The following GPHN variants were observed in gnomAD, a reference collection of about 807,000 sequenced individuals.
GPHN encodes gephyrin.
In GPHN, 17 loss-of-function variants were observed where a neutral mutation model predicts 95.5. That is an observed-to-expected ratio of 0.18 (90% confidence interval 0.12 to 0.27). The LOEUF (loss-of-function observed/expected upper bound fraction) is 0.27. Ranked by LOEUF, GPHN falls within the 10% of genes least tolerant of loss-of-function variation. The pLI is 1.00. For missense variants in GPHN, 660 were observed against 978.1 expected, an observed-to-expected ratio of 0.67 and a Z score of 4.34; for synonymous variants, 320 against 322.5, an observed-to-expected ratio of 0.99 and a Z score of 0.08.
At chr14:66,910,936 T>A (rs2065643403) in intron 5 of GPHN, among the ~76,000 whole-genome samples, 1 of 152,008 alleles carries the variant, frequency 6.6e-6, no homozygotes, top group South Asian at 2.1e-4. Context: ...GAACTATAGC[T>A]ATGCATATCA....
chr14:67,255,003 G>T, the GPHN span, among the ~76,000 whole-genome samples: 1 of 152,166 alleles, frequency 6.6e-6, no homozygotes, highest in Non-Finnish European at 1.5e-5. Flanking sequence ...ACAAAAATTA[G>T]CTGGGTGTGG....
chr14:67,481,172 G>A, the GPHN span, among the ~76,000 whole-genome samples: 3 of 152,148 alleles, frequency 2.0e-5, no homozygotes, highest in Non-Finnish European at 1.5e-5. Context: ...TGTGCCTGTA[G>A]TCCCAGACGC....
At position 66,789,961 on chromosome 14, in the gene GPHN, G is replaced by A. The variant is rs182798788; in HGVS notation, c.201+13440G>A. On this transcript the variant is annotated intron_variant, in intron 3 of 22. Coordinates refer to ENST00000478722, the MANE Select transcript of GPHN (RefSeq NM_020806.5). ...CAAAAAATAAAAAACATAAGATAAC[G>A]TAATTCAAGACAAAACAGAACCTTA... is the stretch of plus-strand genomic sequence containing the variant. 1.1e-4 allele frequency among the ~76,000 whole-genome samples: 16 copies of A among 152,262 alleles called. No homozygotes were observed. The East Asian group carries it at 2.3e-3, about 22-fold the overall frequency.
chr14:66,557,255 A>G (rs2060044199), intron 1 of GPHN, among the ~76,000 whole-genome samples: 1 of 150,372 alleles, frequency 6.7e-6, no homozygotes, highest in African/African-American at 2.5e-5. Context: ...ATAGATAGAT[A>G]GATAGATAGA....
At chr14:66,892,751 A>G (rs1000853952) in intron 5 of GPHN, among the ~76,000 whole-genome samples, 1 of 152,210 alleles carries the variant, frequency 6.6e-6, no homozygotes, top group African/African-American at 2.4e-5. Context: ...TTATGAGTGG[A>G]TAGCGAGAAG....
rs185677570 is a variant in GPHN, at chr14:66,981,490, A to G, written c.963+16165A>G. The stretch of plus-strand genomic sequence containing the variant: ...CTTTAAAAAAAAAATCTCTTTCTCC[A>G]AATCATAGCTACCAGAAACGATCTA... On this transcript the variant is annotated intron_variant, in intron 9 of 22. Coordinates refer to ENST00000478722, the MANE Select transcript of GPHN (RefSeq NM_020806.5). Among the ~76,000 whole-genome samples, 33 of 152,286 alleles carry G rather than the reference A, an allele frequency of 2.2e-4. 1 individual carries two copies. The East Asian group carries it at 5.2e-3, about 24-fold the overall frequency.
At chr14:67,133,875 T>C (rs2079877564) in intron 17 of GPHN, among the ~76,000 whole-genome samples, 1 of 152,200 alleles carries the variant, frequency 6.6e-6, no homozygotes, top group Non-Finnish European at 1.5e-5. Flanking sequence ...AAGTTGAAGA[T>C]GAATGTCATG....
chr14:67,202,334 G>T, the GPHN span, among the ~76,000 whole-genome samples: 1 of 152,088 alleles, frequency 6.6e-6, no homozygotes, highest in African/African-American at 2.4e-5. Context: ...CCAGCTACTT[G>T]GGAGGCTGAG....
At chr14:66,916,322 A>G (rs2065896044) in intron 6 of GPHN, among the ~76,000 whole-genome samples, 1 of 152,166 alleles carries the variant, frequency 6.6e-6, no homozygotes, top group Non-Finnish European at 1.5e-5. Context: ...GAAGAAGTGC[A>G]TAAGACAACG....
chr14:66,793,337 A>C (rs1026599586), intron 3 of GPHN, among the ~76,000 whole-genome samples: 2 of 152,246 alleles, frequency 1.3e-5, no homozygotes, highest in African/African-American at 4.8e-5. Context: ...CAGGGAAAGC[A>C]CAAAGAAGAT....
chr14:66,531,145 C>T (rs1486593150), intron 1 of GPHN, among the ~76,000 whole-genome samples: 1 of 151,984 alleles, frequency 6.6e-6, no homozygotes. Flanking sequence ...AGGGCTTCGT[C>T]ATGTTGGCCA....
At chr14:67,206,811 A>G in the GPHN span, among the ~76,000 whole-genome samples, 1 of 148,536 alleles carries the variant, frequency 6.7e-6, no homozygotes, top group African/African-American at 2.5e-5. Flanking sequence ...GCTCACTGCA[A>G]CCTCCACCTC....
the GPHN span, among the ~76,000 whole-genome samples, chr14:67,468,565 G>A: frequency 1.6e-4 from 24 of 152,162 alleles, no homozygotes; most frequent in Non-Finnish European, 2.6e-4. Flanking sequence ...TTTGGATTGG[G>A]TGAGGGAGGG....
At chr14:67,292,471 G>A in the GPHN span, 1 of 1,382,086 alleles carries the variant, frequency 7.2e-7, no homozygotes, top group Non-Finnish European at 1.0e-6. Context: ...AATTAATACT[G>A]AAACAGTTAA....
the GPHN span, chr14:67,316,689 A>T: frequency 7.3e-6 from 4 of 551,302 alleles, no homozygotes; most frequent in Non-Finnish European, 9.4e-6. Context: ...ATCATAGCTG[A>T]CATTACTCCT....
chr14:67,179,484 G>A, intron 21 of GPHN, 94 bp from the exon 22 acceptor site: 1 of 754,774 alleles, frequency 1.3e-6, no homozygotes, highest in South Asian at 1.4e-5. Flanking sequence ...TAGTCTCCAT[G>A]TCCACTGTAT....
chr14:66,839,339 T>C (rs997881818), intron 4 of GPHN, among the ~76,000 whole-genome samples: 11 of 152,218 alleles, frequency 7.2e-5, no homozygotes, highest in African/African-American at 2.7e-4. Flanking sequence ...GATAACATTA[T>C]AGCCATGAGT....
the GPHN span, among the ~76,000 whole-genome samples, chr14:67,681,705 C>T: frequency 1.1e-4 from 16 of 152,180 alleles, no homozygotes; most frequent in Non-Finnish European, 1.8e-4. Flanking sequence ...TTGCTTGAAC[C>T]CAGGAGGCGG....
chr14:66,582,470 G>C (rs2061227859), intron 1 of GPHN, among the ~76,000 whole-genome samples: 1 of 151,944 alleles, frequency 6.6e-6, no homozygotes, highest in African/African-American at 2.4e-5. Context: ...TGCCATGTTG[G>C]TGTGCTGCAC....
Sources: allele counts gnomAD v4.1 joint callset (sites outside exome capture counted in the v4.1 genomes callset), GRCh38; gene constraint gnomAD v4.1.1; transcripts MANE v1.5; gene names NCBI Gene and HGNC (gene_info 2026-07-23, HGNC 2026-07-21).